The following ITGA11 variants were observed in gnomAD, a reference collection of about 807,000 sequenced individuals.
ITGA11 encodes the protein integrin subunit alpha 11.
In ITGA11, 97 loss-of-function variants were observed where a neutral mutation model predicts 141.9. That is an observed-to-expected ratio of 0.68 (90% CI 0.58 to 0.81). ITGA11 has a LOEUF of 0.81. ITGA11 is among the 30% of genes least tolerant of loss of function. The pLI is 0.00. For missense variants in ITGA11, 1,387 were observed against 1,559.2 expected (o/e 0.89, Z 1.86); for synonymous variants, 658 against 624.6 (o/e 1.05, Z -0.80).
chr15:68,312,689 C>T (rs1368357089), intron 24 of ITGA11, 84 bp downstream of exon 24: 9 of 1,038,092 alleles, frequency 8.7e-6, no homozygotes, highest in African/African-American at 4.7e-5. Context: ...CGGGCACTAG[C>T]GATGATTCCA....
chr15:68,330,040 C>A (rs887545344), intron 15 of ITGA11, among the ~76,000 whole-genome samples: 14 of 152,262 alleles, frequency 9.2e-5, no homozygotes, highest in Admixed American at 5.2e-4. Flanking sequence ...CAAAGAGCAG[C>A]ACGCGTGGTG....
intron 1 of ITGA11, among the ~76,000 whole-genome samples, chr15:68,411,026 G>A (rs907950224): frequency 2.6e-5 from 4 of 152,202 alleles, no homozygotes; most frequent in Admixed American, 6.5e-5. Context: ...GGGCAGCTGC[G>A]TGGCCAACAG....
intron 3 of ITGA11, among the ~76,000 whole-genome samples, chr15:68,367,961 C>T (rs16951954): frequency 0.038 from 5,825 of 152,302 alleles, 398 homozygotes; most frequent in African/African-American, 0.13. Context: ...TTCCCTTAGA[C>T]GATTTCCTCA....
Position 68,325,203 on chromosome 15 carries a change from G to T in ITGA11, c.2250C>A (p.Val750=). 6.2e-7 allele frequency: 1 copy of T among 1,613,938 alleles called. No individual in the cohort carries two copies. The highest frequency in any genetic ancestry group is 8.5e-7 in the Non-Finnish European group (1 of 1,179,850). Residue 750 remains valine, a synonymous_variant, in exon 18 of 30, where the codon GTC becomes GTA. Transcript: ENST00000315757. The surrounding 1 kb of genome is among the most constrained non-coding windows in gnomAD (Gnocchi z 5.5). ...GGTCAGGGTCCTCCAGGGAATACTC[G>T]ACTGAGAAGGTCACTGGCTTCACGT... is the stretch of plus-strand genomic sequence containing the variant. The part of the protein sequence containing the change: ...ADYVKPVTFS[V]EYSLEDPDHG...
At chr15:68,399,919 A>T (rs1896425442) in intron 2 of ITGA11, among the ~76,000 whole-genome samples, 1 of 152,162 alleles carries the variant, frequency 6.6e-6, no homozygotes, top group Non-Finnish European at 1.5e-5. Flanking sequence ...TACCCATGTA[A>T]CAAATCTGCA....
At chr15:68,323,533 CTT>C (rs1036687316) in intron 18 of ITGA11, among the ~76,000 whole-genome samples, 99 of 152,284 alleles carry the variant, frequency 6.5e-4, no homozygotes, top group Admixed American at 4.9e-3. Context: ...CAAAGTAAGA[CTT>C]TGTAGAATGA....
chr15:68,353,518 T>C (rs754339062), intron 7 of ITGA11, among the ~76,000 whole-genome samples: 1 of 152,214 alleles, frequency 6.6e-6, no homozygotes, highest in Non-Finnish European at 1.5e-5. Flanking sequence ...GGTTTTATTA[T>C]ATATGGACCC....
At chr15:68,332,542 G>A (rs575490999) in intron 12 of ITGA11, 64 bp from the exon 13 acceptor site, 15 of 1,543,884 alleles carry the variant, frequency 9.7e-6, no homozygotes, top group South Asian at 7.3e-5. Flanking sequence ...CAGAGCCCTC[G>A]CCTCGCGGGC....
chr15:68,386,990 C>T (rs1896000586), intron 2 of ITGA11, among the ~76,000 whole-genome samples: 1 of 151,012 alleles, frequency 6.6e-6, no homozygotes, highest in East Asian at 1.9e-4. Context: ...GAGACTCAGG[C>T]GAGGGAGTAA....
At chr15:68,357,085 G>A in intron 7 of ITGA11, 66 bp downstream of exon 7, 5 of 1,435,384 alleles carry the variant, frequency 3.5e-6, no homozygotes, top group Non-Finnish European at 4.8e-6. Context: ...TGTGTTACAA[G>A]GCAATAGATA....
intron 2 of ITGA11, among the ~76,000 whole-genome samples, chr15:68,376,036 C>T (rs1017868288): frequency 2.0e-5 from 3 of 152,142 alleles, no homozygotes; most frequent in Non-Finnish European, 4.4e-5. Context: ...TGGGGCCCAG[C>T]GTCTGTGTTT....
chr15:68,426,194 G>A (rs1189880003), intron 1 of ITGA11, among the ~76,000 whole-genome samples: 1 of 152,226 alleles, frequency 6.6e-6, no homozygotes, highest in Non-Finnish European at 1.5e-5. Flanking sequence ...TGGGCTCAAG[G>A]CACAGCCAGT....
chr15:68,314,850 G>A (rs530540770), intron 22 of ITGA11, among the ~76,000 whole-genome samples: 66 of 152,186 alleles, frequency 4.3e-4, no homozygotes, highest in Non-Finnish European at 8.2e-4. Flanking sequence ...ACCTGCACGT[G>A]TGTGTGCTGG....
intron 2 of ITGA11, among the ~76,000 whole-genome samples, chr15:68,394,342 A>C (rs531663714): frequency 6.6e-6 from 1 of 152,230 alleles, no homozygotes; most frequent in Non-Finnish European, 1.5e-5. Context: ...TGGAAATTAA[A>C]AAACACATTT....
intron 1 of ITGA11, among the ~76,000 whole-genome samples, chr15:68,408,208 C>T (rs1440385290): frequency 6.6e-6 from 1 of 152,112 alleles, no homozygotes; most frequent in African/African-American, 2.4e-5. Context: ...TTCCCATCAC[C>T]TTTAAACCCC....
At chr15:68,310,844 G>T (rs1011966247) in intron 26 of ITGA11, 150 bp downstream of exon 26, 13 of 628,728 alleles carry the variant, frequency 2.1e-5, no homozygotes, top group African/African-American at 1.8e-4. Flanking sequence ...TCCTCCTTCA[G>T]TTTTTTTCTT....
intron 1 of ITGA11, among the ~76,000 whole-genome samples, chr15:68,430,170 A>G (rs182278374): frequency 2.0e-5 from 3 of 152,338 alleles, no homozygotes; most frequent in African/African-American, 7.2e-5. Context: ...GGTTTTCGCC[A>G]TATAAGCGGA....
In ITGA11 at chr15:68,326,847, C is replaced by T. The variant is rs1025460147; in HGVS notation, c.2069-51G>A. On this transcript the variant is annotated intron_variant, in intron 16 of 29. Coordinates refer to ENST00000315757, the MANE Select transcript of ITGA11 (RefSeq NM_001004439.2). This position sits in a 1 kb window ranked among gnomAD's most constrained non-coding sequence, Gnocchi z 6.8. ...ACAAAGGTGGAGCCACATGCCCATC[C>T]AAGACTGTCTGCCTCCTCCAGGAAG... is the stretch of plus-strand genomic sequence containing the variant. 6.5e-7 allele frequency: 1 copy of T among 1,528,848 alleles called. No individual in the cohort carries two copies. The highest frequency in any genetic ancestry group is 1.7e-4 in the Middle Eastern group (1 of 5,842). The allele number at this position is 1,528,848 out of a possible 1,614,324, so 94.7% of individuals were successfully genotyped here.
Position 68,325,130 on chromosome 15 carries a change from C to G in ITGA11, c.2322+1G>C, listed in dbSNP as rs757031724. On this transcript the variant is annotated splice_donor_variant, in intron 18 of 29. Coordinates refer to ENST00000315757, the MANE Select transcript of ITGA11 (RefSeq NM_001004439.2). LOFTEE classifies it high-confidence loss of function. This position sits in a 1 kb window ranked among gnomAD's most constrained non-coding sequence, Gnocchi z 5.5. The stretch of plus-strand genomic sequence containing the variant: ...GGTGCGTGCCCTGTACCGAGATGTA[C>G]CGAGACTCTGAGAGTGGTGGGCCAG... 1 of 1,611,896 alleles carries G rather than the reference C, an allele frequency of 6.2e-7. No homozygotes were observed. The highest frequency in any genetic ancestry group is 1.7e-5 in the Admixed American group (1 of 60,016).
Sources: gnomAD v4.1 joint callset for allele counts (sites outside exome capture counted in the v4.1 genomes callset) on GRCh38, gnomAD v4.1.1 for gene constraint, Gnocchi (gnomAD v3.1) non-coding constraint, MANE v1.5 for transcripts, NCBI Gene and HGNC (gene_info 2026-07-23, HGNC 2026-07-21) for gene names.